ARHGAP42: variants seen among roughly 807,000 people sequenced by gnomAD.
ARHGAP42 encodes rho GTPase-activating protein 42.
In ARHGAP42, 63 loss-of-function variants were observed where a neutral mutation model predicts 125.0. The ratio of observed to expected loss-of-function variants is 0.50; its 90% CI spans 0.41 to 0.62. The LOEUF is 0.62. Ranked by LOEUF, ARHGAP42 falls within the 20% of genes least tolerant of loss-of-function variation. ARHGAP42 has a pLI of 0.00. For synonymous variants in ARHGAP42, 339 were observed against 351.0 expected (o/e 0.97, Z 0.38); for missense variants, 766 against 1,024.2 (o/e 0.75, Z 3.44).
At chr11:100,934,831 C>T (rs950426907) in intron 7 of ARHGAP42, among the ~76,000 whole-genome samples, 2 of 152,104 alleles carry the variant, frequency 1.3e-5, no homozygotes. Context: ...GATTTATTCC[C>T]TTGTGTTTTG....
chr11:100,899,732 T>G lies in ARHGAP42; in HGVS notation c.385-13720T>G, dbSNP rs549118634. Among the ~76,000 whole-genome samples the G allele has an allele frequency of 6.2e-3, 582 of 93,618 alleles. 8 individuals are homozygous for G. Among genetic ancestry groups the G allele is most frequent in the Non-Finnish European group, 8.6e-3 (427 of 49,556 alleles). 61.4% of individuals were successfully genotyped at this position (93,618 alleles called of 152,430 possible). A position where few individuals can be genotyped will look rare whatever the true frequency, so the allele number is the denominator to read the frequency against. ...TTTGTTTTGTGTTTTGTTTTTTTTT[T>G]TGTTTTTTTTTGCTCTCTATTTGCT... On this transcript the variant is annotated intron_variant, in intron 4 of 23. Transcript: ENST00000298815.
chr11:100,750,688 C>T (rs1411031886), intron 1 of ARHGAP42, among the ~76,000 whole-genome samples: 2 of 151,494 alleles, frequency 1.3e-5, no homozygotes, highest in African/African-American at 2.4e-5. Context: ...AGCAGGAAAT[C>T]GGAATGAGTC....
chr11:100,795,002 T>A, intron 2 of ARHGAP42, 103 bp from the exon 3 acceptor site: 2 of 826,272 alleles, frequency 2.4e-6, no homozygotes, highest in Non-Finnish European at 3.7e-6. Flanking sequence ...GAATATACTA[T>A]ATACAAATTA....
chr11:100,743,036 C>T (rs1046856982), intron 1 of ARHGAP42, among the ~76,000 whole-genome samples: 1 of 151,414 alleles, frequency 6.6e-6, no homozygotes, highest in Non-Finnish European at 1.5e-5. Flanking sequence ...TAATCTATAT[C>T]TTTTAAGTGG....
chr11:100,868,891 T>G (rs1394345800), intron 4 of ARHGAP42, among the ~76,000 whole-genome samples: 1 of 152,148 alleles, frequency 6.6e-6, no homozygotes, highest in Non-Finnish European at 1.5e-5. Flanking sequence ...TTAGCATAGT[T>G]TCTTCCACAT....
At chr11:100,944,198 C>T (rs1867957208) in intron 10 of ARHGAP42, among the ~76,000 whole-genome samples, 1 of 152,006 alleles carries the variant, frequency 6.6e-6, no homozygotes, top group African/African-American at 2.4e-5. Context: ...CAGGATCAGC[C>T]TTTTGGTGGG....
At chr11:100,792,405 C>T (rs939989834) in intron 2 of ARHGAP42, among the ~76,000 whole-genome samples, 3 of 152,122 alleles carry the variant, frequency 2.0e-5, no homozygotes, top group Admixed American at 1.3e-4. Context: ...TGCCAGTCCC[C>T]ACTACTTACT....
intron 2 of ARHGAP42, among the ~76,000 whole-genome samples, chr11:100,779,557 C>CGTATACATACGTATATATACGTATATAT (rs1565210737): frequency 1.5e-5 from 2 of 137,804 alleles, no homozygotes; most frequent in South Asian, 2.2e-4. Context: ...TATACATATA[C>CGTATACATACGTATATATACGTATATAT]ATACGTATAT....
chr11:100,745,966 A>T (rs763305733), intron 1 of ARHGAP42, among the ~76,000 whole-genome samples: 2 of 152,168 alleles, frequency 1.3e-5, no homozygotes, highest in Non-Finnish European at 2.9e-5. Flanking sequence ...GTCTAAGTAG[A>T]TGTGGGAATG....
At chr11:100,903,706 C>CAAAAAA (rs749877720) in intron 4 of ARHGAP42, among the ~76,000 whole-genome samples, 326 of 32,418 alleles carry the variant, frequency 0.01, 13 homozygotes, top group African/African-American at 0.03. Context: ...ACATGTCCCT[C>CAAAAAA]AAAATATATA....
intron 4 of ARHGAP42, among the ~76,000 whole-genome samples, chr11:100,897,008 A>G (rs1866381573): frequency 6.6e-6 from 1 of 152,176 alleles, no homozygotes; most frequent in South Asian, 2.1e-4. Flanking sequence ...TCTTGAATTA[A>G]TTTTTGTATA....
intron 5 of ARHGAP42, among the ~76,000 whole-genome samples, chr11:100,914,198 G>A (rs1565273468): frequency 2.6e-5 from 4 of 152,102 alleles, no homozygotes; most frequent in Admixed American, 1.3e-4. Context: ...GCCTCTCAAA[G>A]TGCTGGGATC....
intron 1 of ARHGAP42, among the ~76,000 whole-genome samples, chr11:100,702,676 T>C (rs972930752): frequency 1.3e-5 from 2 of 150,350 alleles, no homozygotes; most frequent in Non-Finnish European, 3.0e-5. Flanking sequence ...GTGTTCTTTT[T>C]TTTTTTTTTT....
intron 1 of ARHGAP42, among the ~76,000 whole-genome samples, chr11:100,769,440 C>T (rs943411535): frequency 1.3e-5 from 2 of 152,036 alleles, no homozygotes; most frequent in Admixed American, 1.3e-4. Flanking sequence ...CTTTTTCAGC[C>T]CATAAATAAA....
chr11:100,806,732 G>T, intron 3 of ARHGAP42, among the ~76,000 whole-genome samples: 1 of 152,084 alleles, frequency 6.6e-6, no homozygotes, highest in East Asian at 1.9e-4. Context: ...GTGAGAGGTG[G>T]TAGATCATAT....
intron 12 of ARHGAP42, among the ~76,000 whole-genome samples, chr11:100,957,957 G>A (rs10895035): frequency 0.082 from 12,396 of 152,022 alleles, 722 homozygotes; most frequent in East Asian, 0.3. Flanking sequence ...AAGTTCTATT[G>A]AAATTTTTTT....
intron 3 of ARHGAP42, among the ~76,000 whole-genome samples, chr11:100,857,685 G>T (rs1044385888): frequency 1.3e-5 from 2 of 152,148 alleles, no homozygotes; most frequent in East Asian, 3.9e-4. Context: ...CGTTACTAAA[G>T]TTCCAGTGGC....
intron 3 of ARHGAP42, among the ~76,000 whole-genome samples, chr11:100,855,030 T>A (rs1865294014): frequency 6.6e-6 from 1 of 152,204 alleles, no homozygotes; most frequent in African/African-American, 2.4e-5. Context: ...TTTGTATTGA[T>A]TGTTTATATT....
At chr11:100,715,446 T>G (rs918687732) in intron 1 of ARHGAP42, among the ~76,000 whole-genome samples, 6 of 152,100 alleles carry the variant, frequency 3.9e-5, no homozygotes, top group African/African-American at 1.4e-4. Flanking sequence ...AGACTTCATT[T>G]CTCCCAGGCA....
Sources: allele counts gnomAD v4.1 joint callset (sites outside exome capture counted in the v4.1 genomes callset), GRCh38; gene constraint gnomAD v4.1.1; transcripts MANE v1.5; gene names NCBI Gene and HGNC (gene_info 2026-07-23, HGNC 2026-07-21).